EPB41L4A: variants seen among roughly 807,000 people sequenced by gnomAD.
EPB41L4A encodes the protein band 4.1-like protein 4A.
A neutral mutation model predicts 108.6 loss-of-function variants in EPB41L4A; 100 were observed. That is an observed-to-expected ratio of 0.92 (90% CI 0.78 to 1.09). The LOEUF is 1.09. Ranked by LOEUF, EPB41L4A falls within the 50% of genes least tolerant of loss-of-function variation. The probability of loss-of-function intolerance (pLI) is 0.00; values close to 1 mark genes in which losing one functional copy is unlikely to be tolerated. For synonymous variants in EPB41L4A, 319 were observed against 289.0 expected (o/e 1.10, Z -1.05); for missense variants, 1,030 against 842.7 (o/e 1.22, Z -2.75).
intron 1 of EPB41L4A, among the ~76,000 whole-genome samples, chr5:112,414,024 C>T (rs1762563390): frequency 6.6e-6 from 1 of 151,658 alleles, no homozygotes; most frequent in Non-Finnish European, 1.5e-5. Context: ...TACTGTACAT[C>T]ATTTCTCTTC....
intron 1 of EPB41L4A, among the ~76,000 whole-genome samples, chr5:112,398,499 A>G (rs554754750): frequency 9.5e-4 from 145 of 152,114 alleles, no homozygotes; most frequent in African/African-American, 3.3e-3. Context: ...AGTGATTCTC[A>G]TGCCTCAGCC....
intron 18 of EPB41L4A, among the ~76,000 whole-genome samples, chr5:112,181,783 G>A (rs1390580890): frequency 6.6e-6 from 1 of 152,154 alleles, no homozygotes; most frequent in Non-Finnish European, 1.5e-5. Flanking sequence ...ATAGATATCA[G>A]AACAGTGGAC....
chr5:112,302,741 A>G (rs1362600160), intron 2 of EPB41L4A, among the ~76,000 whole-genome samples: 3 of 152,190 alleles, frequency 2.0e-5, no homozygotes, highest in African/African-American at 4.8e-5. Context: ...TCTGGGTTGA[A>G]GATAGGAATC....
chr5:112,285,511 C>G (rs886148678), intron 2 of EPB41L4A, among the ~76,000 whole-genome samples: 1 of 152,136 alleles, frequency 6.6e-6, no homozygotes, highest in African/African-American at 2.4e-5. Context: ...TTAATTTGCT[C>G]CTTCATATGA....
intron 9 of EPB41L4A, among the ~76,000 whole-genome samples, chr5:112,258,573 T>A (rs1751273732): frequency 6.6e-6 from 1 of 152,200 alleles, no homozygotes; most frequent in Non-Finnish European, 1.5e-5. Flanking sequence ...TGAAGCATTA[T>A]TTTCACAGGT....
At chr5:112,167,330 A>C (rs1760310681) in intron 22 of EPB41L4A, among the ~76,000 whole-genome samples, 1 of 152,202 alleles carries the variant, frequency 6.6e-6, no homozygotes, top group Non-Finnish European at 1.5e-5. Context: ...TAATTTTGAA[A>C]AAGTACTGTC....
At chr5:112,394,020 C>T (rs893672728) in intron 1 of EPB41L4A, among the ~76,000 whole-genome samples, 1 of 152,132 alleles carries the variant, frequency 6.6e-6, no homozygotes, top group Admixed American at 6.5e-5. Flanking sequence ...GCAGAAAAGG[C>T]CTTTGACAAA....
intron 11 of EPB41L4A, 84 bp from the exon 12 acceptor site, chr5:112,234,839 A>G: frequency 1.3e-5 from 19 of 1,429,922 alleles, no homozygotes; most frequent in Non-Finnish European, 1.8e-5. Context: ...ACATCTGCCA[A>G]ATATGGAGAG....
chr5:112,303,143 T>G (rs1028693651), intron 2 of EPB41L4A, among the ~76,000 whole-genome samples: 3 of 152,174 alleles, frequency 2.0e-5, no homozygotes, highest in Non-Finnish European at 2.9e-5. Context: ...CATTATCACT[T>G]ATACATATTT....
At chr5:112,244,462 G>T (rs1750060753) in intron 9 of EPB41L4A, among the ~76,000 whole-genome samples, 1 of 152,172 alleles carries the variant, frequency 6.6e-6, no homozygotes, top group African/African-American at 2.4e-5. Context: ...GAGAAGAAAG[G>T]AGGGAGGAGG....
In EPB41L4A at chr5:112,144,818, C is replaced by A. The variant is rs530581578; in HGVS notation, n.1113-938G>T. On this transcript the variant is annotated intron_variant and non_coding_transcript_variant, in intron 13 of 13. Transcript: ENST00000507810. ...AGTTGAATGTGTGACATAAATGTCACATGTATGAATATGTAATCTTGTGCC... is the reference window on the plus strand; with the variant it reads ...AGTTGAATGTGTGACATAAATGTCAAATGTATGAATATGTAATCTTGTGCC... Among the ~76,000 whole-genome samples the A allele has an allele frequency of 7.2e-5, 11 of 152,146 alleles. No individual in the cohort carries two copies. The South Asian group carries it at 1.2e-3, about 17-fold the overall frequency.
intron 2 of EPB41L4A, among the ~76,000 whole-genome samples, chr5:112,305,634 A>G (rs542142002): frequency 1.3e-5 from 2 of 152,310 alleles, no homozygotes; most frequent in East Asian, 3.9e-4. Context: ...TCATTACATT[A>G]TTCTCAGAGC....
chr5:112,224,233 A>G (rs931611098), intron 12 of EPB41L4A, among the ~76,000 whole-genome samples: 12 of 152,208 alleles, frequency 7.9e-5, no homozygotes, highest in African/African-American at 2.9e-4. Context: ...TACAGGTGTA[A>G]GCCACCGCAT....
chr5:112,154,834 TCACAATCCTCTGG>T (rs756139055), intron 12 of EPB41L4A, among the ~76,000 whole-genome samples: 76 of 152,138 alleles, frequency 5.0e-4, no homozygotes, highest in Non-Finnish European at 9.6e-4. Flanking sequence ...CTAATAAAAT[TCACAATCCTCTGG>T]CACACATTAA....
chr5:112,344,488 C>T (rs1052704471), intron 1 of EPB41L4A, among the ~76,000 whole-genome samples: 1 of 152,216 alleles, frequency 6.6e-6, no homozygotes, highest in African/African-American at 2.4e-5. Context: ...ACTCTGATAA[C>T]AGTTTTAAGT....
intron 1 of EPB41L4A, among the ~76,000 whole-genome samples, chr5:112,357,347 C>T (rs1159621235): frequency 6.8e-6 from 1 of 147,726 alleles, no homozygotes; most frequent in African/African-American, 2.7e-5. Context: ...TAAGGTTGGG[C>T]CTTTACAGAA....
At chr5:112,400,426 G>C (rs561544943) in intron 1 of EPB41L4A, among the ~76,000 whole-genome samples, 1 of 152,080 alleles carries the variant, frequency 6.6e-6, no homozygotes, top group Non-Finnish European at 1.5e-5. Flanking sequence ...CAGTTCTACA[G>C]GCAGTACAAG....
At chr5:112,196,272 T>C (rs1163992388) in intron 15 of EPB41L4A, among the ~76,000 whole-genome samples, 1 of 152,180 alleles carries the variant, frequency 6.6e-6, no homozygotes, top group Non-Finnish European at 1.5e-5. Flanking sequence ...CCAGACAACA[T>C]GAATGTGAAT....
rs1049682094 is a variant in EPB41L4A at position 112,184,147 on chromosome 5, G to A, written c.1503-12C>T. The stretch of plus-strand genomic sequence containing the variant: ...TCTCCTGCCGTATTCTGAAAGGAAA[G>A]CCATGCATCTGAAGTTAACATCTAC... On this transcript the variant is annotated splice_polypyrimidine_tract_variant and intron_variant, in intron 17 of 22. Transcript: ENST00000261486. 1 of 1,613,730 alleles carries A rather than the reference G, an allele frequency of 6.2e-7. No homozygotes were observed. The highest frequency in any genetic ancestry group is 8.5e-7 in the Non-Finnish European group (1 of 1,179,782).
Sources: gnomAD v4.1 joint callset for allele counts (sites outside exome capture counted in the v4.1 genomes callset) on GRCh38, gnomAD v4.1.1 for gene constraint, MANE v1.5 for transcripts, NCBI Gene and HGNC (gene_info 2026-07-23, HGNC 2026-07-21) for gene names.